The following PSD4 variants were observed in gnomAD, a reference collection of about 807,000 sequenced individuals.
PSD4 encodes PH and SEC7 domain-containing protein 4.
In PSD4, 59 loss-of-function variants were observed where a neutral mutation model predicts 112.5. The observed-to-expected ratio is 0.52, with a 90% CI of 0.43 to 0.65. The LOEUF (loss-of-function observed/expected upper bound fraction) is 0.65, where lower values mean the gene tolerates loss of function less well. PSD4 is among the 30% of genes least tolerant of loss of function. The pLI, the probability that PSD4 is intolerant of heterozygous loss-of-function variation, is 0.00. For missense variants in PSD4, 1,267 were observed against 1,352.6 expected (o/e 0.94, Z 0.99); for synonymous variants, 533 against 540.0 (o/e 0.99, Z 0.18).
intron 14 of PSD4, 114 bp from the exon 15 acceptor site, chr2:113,198,626 G>C: frequency 1.6e-6 from 2 of 1,275,094 alleles, no homozygotes; most frequent in South Asian, 3.3e-5. Flanking sequence ...GTAACTATGG[G>C]AGGCTGAGTT....
Position 113,193,034 on chromosome 2 carries a change from T to C in PSD4, c.1839-14T>C, listed in dbSNP as rs201862387. 4.3e-6 allele frequency: 7 copies of C among 1,611,604 alleles called. No individual in the cohort carries two copies. The highest frequency in any genetic ancestry group is 4.5e-5 in the East Asian group (2 of 44,888). On this transcript the variant is annotated splice_polypyrimidine_tract_variant and intron_variant, in intron 6 of 16. Transcript: ENST00000245796. ...GCCCCTGGTGCAGACTCCATGCCCCTTTTCCCTCTGCAGCAATGACTTTAG... is the reference window on the plus strand; with the variant it reads ...GCCCCTGGTGCAGACTCCATGCCCCCTTTCCCTCTGCAGCAATGACTTTAG...
chr2:113,185,560 T>C, intron 4 of PSD4, 120 bp downstream of exon 4: 1 of 1,582,270 alleles, frequency 6.3e-7, no homozygotes, highest in South Asian at 1.1e-5. Flanking sequence ...ATATTGTGTT[T>C]AAGCCAGACA....
chr2:113,193,706 G>A (rs1190073819), intron 9 of PSD4, 56 bp downstream of exon 9: 1 of 1,583,278 alleles, frequency 6.3e-7, no homozygotes, highest in Non-Finnish European at 8.7e-7. Context: ...GGGGTGCGGG[G>A]AGGAGAAGAC....
intron 12 of PSD4, 81 bp from the exon 13 acceptor site, chr2:113,197,483 A>G (rs751666502): frequency 3.4e-6 from 5 of 1,453,514 alleles, no homozygotes; most frequent in Non-Finnish European, 9.6e-7. Flanking sequence ...GACAGGGGGC[A>G]TATGCACACT....
Position 113,196,229 on chromosome 2 carries a change from G to A in PSD4, c.2308G>A (p.Ala770Thr). 3 of 1,614,144 alleles carry A rather than the reference G, an allele frequency of 1.9e-6. No homozygotes were observed. Among genetic ancestry groups the A allele is most frequent in the Non-Finnish European group, 1.7e-6 (2 of 1,179,978 alleles). ...GATGAGCAAGCCCTTCCTTCAGCTG[G>A]CTCAGGATCCCACAGTGCCCACCTA... ...GKMSKPFLQL[A>T]QDPTVPTYKQ... Residue 770 changes from alanine to threonine, a missense_variant, in exon 12 of 17, where the codon GCT (alanine) becomes ACT (threonine). Around this residue, in one of 2 missense-constraint regions of PSD4, gnomAD observed 544 missense variants for 648.6 expected, o/e 0.84. Transcript: ENST00000245796.
intron 1 of PSD4, among the ~76,000 whole-genome samples, chr2:113,182,078 T>C (rs1426050900): frequency 6.6e-6 from 1 of 152,232 alleles, no homozygotes; most frequent in Non-Finnish European, 1.5e-5. Flanking sequence ...TTGGCCAGTT[T>C]GTTCTTTTCA....
intron 16 of PSD4, 117 bp downstream of exon 16, chr2:113,199,343 T>G: frequency 8.1e-7 from 1 of 1,234,086 alleles, no homozygotes; most frequent in Non-Finnish European, 1.0e-6. Flanking sequence ...GAGAGGCGCT[T>G]GCGTGCGGGC....
In PSD4 at chr2:113,181,470, C is replaced by T. The variant is rs151104560; in HGVS notation, c.-111-876C>T. On this transcript the variant is annotated intron_variant, in intron 1 of 16. Coordinates refer to ENST00000245796, the MANE Select transcript of PSD4 (RefSeq NM_012455.3). Reference sequence around the variant, plus strand: ...GGAAATGCATGCTTCTAGAAAACACCCTGCGAGGTTCCTGGGCTCATCTGA... The same window carrying T: ...GGAAATGCATGCTTCTAGAAAACACTCTGCGAGGTTCCTGGGCTCATCTGA... Among the ~76,000 whole-genome samples, 610 of 152,284 alleles carry T rather than the reference C, an allele frequency of 4.0e-3. 2 individuals carry two copies. Among genetic ancestry groups the T allele is most frequent in the Middle Eastern group, 0.017 (5 of 294 alleles).
chr2:113,175,029 C>T (rs1351832821), intron 1 of PSD4, among the ~76,000 whole-genome samples: 1 of 152,264 alleles, frequency 6.6e-6, no homozygotes, highest in East Asian at 1.9e-4. Context: ...CCTCCTCCTA[C>T]AGACAAGGAA....
At chr2:113,200,463 C>G (rs1688744233) in intron 16 of PSD4, among the ~76,000 whole-genome samples, 1 of 152,210 alleles carries the variant, frequency 6.6e-6, no homozygotes, top group African/African-American at 2.4e-5. Context: ...CCAGGCTATC[C>G]CTTGGCTTGT....
At position 113,206,684 on chromosome 2, in the gene PSD4, A is replaced by G. The variant is rs1688867762; in HGVS notation, c.*5269A>G. ...AAATTATGCACGTAAACATCTCAGA[A>G]CAATGCCTGGCACAGAAGGGACACC... On this transcript the variant is annotated 3_prime_UTR_variant, in exon 17 of 17. Transcript: ENST00000245796. 6 of 152,266 alleles carry G rather than the reference A, an allele frequency of 3.9e-5. No homozygotes were observed. The highest frequency in any genetic ancestry group is 3.9e-4 in the Admixed American group (6 of 15,288). The allele number at this position is 152,266 out of a possible 1,614,324, so 9.4% of individuals were successfully genotyped here. A position where few individuals can be genotyped will look rare whatever the true frequency, so the allele number is the denominator to read the frequency against.
rs188416937 is a variant in PSD4 at position 113,185,749 on chromosome 2, C to T, written c.1250-128C>T. 9.2e-5 allele frequency: 143 copies of T among 1,549,768 alleles called. No individual in the cohort carries two copies. In the African/African-American group the frequency reaches 1.1e-3, roughly 12 times the overall value. The stretch of plus-strand genomic sequence containing the variant: ...TCTGCAAGTGGGAGAGGTCACTGCC[C>T]GAGGGAGGACAGGGCATGCTGCCAG... On this transcript the variant is annotated intron_variant, in intron 4 of 16. Transcript: ENST00000245796.
Position 113,204,884 on chromosome 2 carries a change from CAG to C in PSD4, c.*3470_*3471del, listed in dbSNP as rs1688841988. The C allele has an allele frequency of 6.6e-6, 1 of 151,790 alleles. No homozygotes were observed. The highest frequency in any genetic ancestry group is 2.4e-5 in the African/African-American group (1 of 41,348). 9.4% of individuals were successfully genotyped at this position (151,790 alleles called of 1,614,324 possible). Reference sequence around the variant, plus strand: ...TCGGGGTGAGGGGGGCAGAGGGAAACAGGGCCGTCAGGGTGGCCTGAGGCCAG... The same window carrying C: ...TCGGGGTGAGGGGGGCAGAGGGAAACGGCCGTCAGGGTGGCCTGAGGCCAG... On this transcript the variant is annotated 3_prime_UTR_variant, in exon 17 of 17. Coordinates refer to ENST00000245796, the MANE Select transcript of PSD4 (RefSeq NM_012455.3).
Position 113,183,342 on chromosome 2 carries a change from G to A in PSD4, c.886G>A (p.Val296Met). 1.3e-6 allele frequency: 2 copies of A among 1,597,758 alleles called. No homozygotes were observed. Among genetic ancestry groups the A allele is most frequent in the Non-Finnish European group, 8.5e-7 (1 of 1,170,882 alleles). ...TLEPPLPEDT[V>M]LWELESEPDL... The stretch of plus-strand genomic sequence containing the variant: ...GGAGCCTCCCCTCCCAGAAGACACA[G>A]TGCTGTGGGAGCTGGAAAGTGAGCC... Residue 296 changes from valine to methionine, a missense_variant, in exon 2 of 17, where the codon GTG becomes ATG. Physicochemically the swap from Val to Met is conservative, Grantham distance 21. Coordinates refer to ENST00000245796, the MANE Select transcript of PSD4 (RefSeq NM_012455.3).
chr2:113,199,491 G>C (rs1688716378), intron 16 of PSD4, among the ~76,000 whole-genome samples: 1 of 152,394 alleles, frequency 6.6e-6, no homozygotes, highest in African/African-American at 2.4e-5. Flanking sequence ...GCAGCTGCTT[G>C]TCTGGAAACA....
At chr2:113,181,053 A>T (rs1484954820) in intron 1 of PSD4, among the ~76,000 whole-genome samples, 1 of 122,272 alleles carries the variant, frequency 8.2e-6, no homozygotes, top group East Asian at 2.4e-4. Flanking sequence ...CCCCATCTCT[A>T]CTAGAAATAC....
chr2:113,176,338 C>T (rs537926393), intron 1 of PSD4, among the ~76,000 whole-genome samples: 1 of 152,290 alleles, frequency 6.6e-6, no homozygotes, highest in South Asian at 2.1e-4. Context: ...CCTTCTAGTC[C>T]CTCAGCCATT....
intron 14 of PSD4, 32 bp from the exon 15 acceptor site, chr2:113,198,708 T>C: frequency 3.3e-6 from 5 of 1,510,790 alleles, no homozygotes; most frequent in Non-Finnish European, 4.4e-6. Context: ...GGACTCTGTG[T>C]CCCCGGGGAC....
Position 113,183,201 on chromosome 2 carries a change from C to G in PSD4, c.745C>G (p.Pro249Ala). 6.2e-7 allele frequency: 1 copy of G among 1,614,178 alleles called. No individual in the cohort carries two copies. Among genetic ancestry groups the G allele is most frequent in the Non-Finnish European group, 8.5e-7 (1 of 1,180,030 alleles). The part of the protein sequence containing the change: ...AEEESMFFSN[P>A]LFLASPCSEN... ...GGAGGAGAGCATGTTCTTCAGCAAC[C>G]CCCTCTTCCTGGCGAGTCCTTGCTC... The change falls in exon 2 of 17, where the codon CCC becomes GCC. Residue 249 changes from proline (P) to alanine (A), a missense_variant. Coordinates refer to ENST00000245796, the MANE Select transcript of PSD4 (RefSeq NM_012455.3).
Sources: gnomAD v4.1 joint callset for allele counts (sites outside exome capture counted in the v4.1 genomes callset) on GRCh38, gnomAD v4.1.1 for gene constraint, gnomAD v4.1.1 regional missense constraint, MANE v1.5 for transcripts, NCBI Gene and HGNC (gene_info 2026-07-23, HGNC 2026-07-21) for gene names.